ARHGAP10: variants seen among roughly 807,000 people sequenced by gnomAD.
ARHGAP10 encodes Rho GTPase activating protein 10, also known as rho GTPase-activating protein 10.
Under a neutral mutation model 108.6 loss-of-function variants are expected in ARHGAP10, and 87 were observed. That is an observed-to-expected ratio of 0.80 (90% confidence interval 0.67 to 0.96). ARHGAP10 has a LOEUF of 0.96. Ranked by LOEUF, ARHGAP10 falls within the 40% of genes least tolerant of loss-of-function variation. The pLI is 0.00. For synonymous variants in ARHGAP10, 347 were observed against 341.1 expected (o/e 1.02, Z -0.19); for missense variants, 939 against 954.5 (o/e 0.98, Z 0.21).
At chr4:147,758,659 T>C (rs1403686343) in intron 1 of ARHGAP10, among the ~76,000 whole-genome samples, 2 of 151,988 alleles carry the variant, frequency 1.3e-5, no homozygotes, top group Non-Finnish European at 2.9e-5. Context: ...ATACAGGTGG[T>C]GTATTTTTTT....
chr4:148,003,620 G>C (rs934694980), intron 18 of ARHGAP10, among the ~76,000 whole-genome samples: 7 of 152,132 alleles, frequency 4.6e-5, no homozygotes, highest in African/African-American at 1.7e-4. Context: ...TATATGTTTA[G>C]GATAGTTAGC....
At chr4:147,828,724 C>T (rs547115792) in intron 3 of ARHGAP10, among the ~76,000 whole-genome samples, 2 of 152,140 alleles carry the variant, frequency 1.3e-5, no homozygotes, top group Admixed American at 1.3e-4. Context: ...TCCTTTCCCC[C>T]CTACAATGTC....
intron 1 of ARHGAP10, among the ~76,000 whole-genome samples, chr4:147,799,045 T>G (rs1731470525): frequency 1.3e-5 from 2 of 151,844 alleles, no homozygotes; most frequent in Non-Finnish European, 2.9e-5. Context: ...CCTTTTTTTT[T>G]TCTCTTCGAG....
intron 8 of ARHGAP10, among the ~76,000 whole-genome samples, chr4:147,878,935 C>A (rs1369994552): frequency 6.6e-6 from 1 of 152,084 alleles, no homozygotes; most frequent in Non-Finnish European, 1.5e-5. Context: ...TGCCACTATG[C>A]CTGGCTAATT....
At chr4:148,050,531 G>A (rs867861252) in intron 20 of ARHGAP10, among the ~76,000 whole-genome samples, 34 of 151,688 alleles carry the variant, frequency 2.2e-4, no homozygotes, top group South Asian at 1.3e-3. Context: ...CCACCACCAC[G>A]CCTGGCTAAT....
intron 20 of ARHGAP10, among the ~76,000 whole-genome samples, chr4:148,052,264 T>G (rs1729172295): frequency 6.6e-6 from 1 of 151,074 alleles, no homozygotes; most frequent in Non-Finnish European, 1.5e-5. Flanking sequence ...CAGAGAGGGC[T>G]TCCTCAACCC....
intron 19 of ARHGAP10, among the ~76,000 whole-genome samples, chr4:148,046,302 G>A (rs567197204): frequency 3.9e-5 from 6 of 152,232 alleles, no homozygotes; most frequent in East Asian, 1.9e-4. Context: ...TAAATTCATC[G>A]TGTGGCATTA....
chr4:147,794,515 A>T lies in ARHGAP10; in HGVS notation c.155-28212A>T, dbSNP rs77259326. ...ACCAGTGTAAGTAGCATCCAGAGCAAAACAGAACATATACACACTCGACAA... is the reference window on the plus strand; with the variant it reads ...ACCAGTGTAAGTAGCATCCAGAGCATAACAGAACATATACACACTCGACAA... On this transcript the variant is annotated intron_variant, in intron 1 of 22. Transcript: ENST00000336498. Among the ~76,000 whole-genome samples the T allele has an allele frequency of 8.4e-3, 1,283 of 152,314 alleles. 20 individuals carry two copies. Among genetic ancestry groups the T allele is most frequent in the East Asian group, 0.036 (185 of 5,180 alleles).
At position 147,880,895 on chromosome 4, in the gene ARHGAP10, T is replaced by C. The variant is rs957110604; in HGVS notation, c.940-943T>C. On this transcript the variant is annotated intron_variant, in intron 9 of 22. Transcript: ENST00000336498. The stretch of plus-strand genomic sequence containing the variant: ...ATTTTTTGTGACATGTGGTAAGAAA[T>C]AAATTTTTACACTAAAAAAAAGAGT... Among the ~76,000 whole-genome samples the C allele has an allele frequency of 1.2e-3, 40 of 33,386 alleles. No individual in the cohort carries two copies. In the Admixed American group the frequency reaches 0.014, roughly 12 times the overall value. 21.9% of individuals were successfully genotyped at this position (33,386 alleles called of 152,430 possible).
chr4:147,892,501 TCA>T (rs1193004418), intron 10 of ARHGAP10, among the ~76,000 whole-genome samples: 2 of 152,016 alleles, frequency 1.3e-5, no homozygotes, highest in African/African-American at 4.8e-5. Context: ...TTGAGGGAAC[TCA>T]CAGACCAGGA....
chr4:147,937,369 T>A (rs1229007327), intron 13 of ARHGAP10, among the ~76,000 whole-genome samples: 1 of 152,188 alleles, frequency 6.6e-6, no homozygotes, highest in African/African-American at 2.4e-5. Flanking sequence ...GGTGACCTCA[T>A]TTTAATTTAA....
At chr4:147,877,595 A>G (rs1735125639) in intron 8 of ARHGAP10, among the ~76,000 whole-genome samples, 1 of 152,172 alleles carries the variant, frequency 6.6e-6, no homozygotes, top group South Asian at 2.1e-4. Flanking sequence ...TAAAGTAAGA[A>G]ATTGTCAACT....
At chr4:148,071,857 C>T (rs775707401) in intron 22 of ARHGAP10, 136 bp from the exon 23 acceptor site, 1 of 667,320 alleles carries the variant, frequency 1.5e-6, no homozygotes, top group Non-Finnish European at 2.6e-6. Context: ...GACCCTGGTG[C>T]AGACTTTGTG....
chr4:147,941,394 G>A (rs2126963706), intron 14 of ARHGAP10, among the ~76,000 whole-genome samples: 1 of 152,254 alleles, frequency 6.6e-6, no homozygotes, highest in East Asian at 1.9e-4. Context: ...AGTTTGCTCT[G>A]CTCATGGGAA....
chr4:148,018,557 A>G (rs546986569), intron 18 of ARHGAP10, among the ~76,000 whole-genome samples: 19 of 150,136 alleles, frequency 1.3e-4, no homozygotes, highest in African/African-American at 4.2e-4. Flanking sequence ...CCATCAGAGC[A>G]TGGCTTTGTA....
At position 147,756,012 on chromosome 4, in the gene ARHGAP10, A is replaced by T. The variant is rs191046712; in HGVS notation, c.154+23557A>T. On this transcript the variant is annotated intron_variant, in intron 1 of 22. Coordinates refer to ENST00000336498, the MANE Select transcript of ARHGAP10 (RefSeq NM_024605.4). ...AATTTTTTTTTTCTGTCACATAATA[A>T]GTCAATAGTAGGTGGTTGCTGGCTA... 9.2e-5 allele frequency among the ~76,000 whole-genome samples: 14 copies of T among 152,004 alleles called. No individual in the cohort carries two copies. In the East Asian group the frequency reaches 2.5e-3, roughly 27 times the overall value.
intron 20 of ARHGAP10, among the ~76,000 whole-genome samples, chr4:148,055,330 T>A (rs1211221357): frequency 1.3e-5 from 2 of 152,262 alleles, no homozygotes. Context: ...CCTTCCTTCA[T>A]GGGGCTTGAG....
At chr4:147,976,803 G>C (rs1416453063) in intron 18 of ARHGAP10, among the ~76,000 whole-genome samples, 2 of 152,148 alleles carry the variant, frequency 1.3e-5, no homozygotes, top group African/African-American at 4.8e-5. Context: ...ATTTAGGAGA[G>C]AGTCATTCTG....
chr4:148,055,654 C>G (rs1052145247), intron 20 of ARHGAP10, among the ~76,000 whole-genome samples: 1 of 152,190 alleles, frequency 6.6e-6, no homozygotes, highest in Non-Finnish European at 1.5e-5. Flanking sequence ...CGCCACTGCA[C>G]TCCAGCCTGA....
Sources: gnomAD v4.1 joint callset for allele counts (sites outside exome capture counted in the v4.1 genomes callset) on GRCh38, gnomAD v4.1.1 for gene constraint, MANE v1.5 for transcripts, NCBI Gene and HGNC (gene_info 2026-07-23, HGNC 2026-07-21) for gene names.